DNAJC5B: variants seen among roughly 807,000 people sequenced by gnomAD.
DNAJC5B encodes the protein DnaJ heat shock protein family (Hsp40) member C5 beta.
Under a neutral mutation model 24.7 loss-of-function variants are expected in DNAJC5B, and 23 were observed. That is an observed-to-expected ratio of 0.93 (90% CI 0.67 to 1.32). The LOEUF (loss-of-function observed/expected upper bound fraction) is 1.32, where lower values mean the gene tolerates loss of function less well. Ranked by LOEUF, DNAJC5B falls within the 40% of genes most tolerant of loss-of-function variation. The pLI is 0.00. For synonymous variants in DNAJC5B, 101 were observed against 90.1 expected (o/e 1.12, Z -0.68); for missense variants, 238 against 240.8 (o/e 0.99, Z 0.08).
At chr8:66,035,639 A>C (rs1249837977) in intron 1 of DNAJC5B, among the ~76,000 whole-genome samples, 1 of 152,184 alleles carries the variant, frequency 6.6e-6, no homozygotes, top group Non-Finnish European at 1.5e-5. Flanking sequence ...AGAGCTCCAG[A>C]AACAACCAAC....
intron 1 of DNAJC5B, among the ~76,000 whole-genome samples, chr8:66,031,348 A>G (rs1376161689): frequency 1.3e-5 from 2 of 152,226 alleles, no homozygotes; most frequent in Admixed American, 6.5e-5. Context: ...CATTATTGGC[A>G]TTTCCTCCTA....
intron 3 of DNAJC5B, among the ~76,000 whole-genome samples, chr8:66,074,001 C>T (rs1035515148): frequency 6.6e-6 from 1 of 152,026 alleles, no homozygotes; most frequent in African/African-American, 2.4e-5. Flanking sequence ...AACAAGAAAG[C>T]CCCAGAATGG....
At chr8:66,033,132 A>G (rs1806395927) in intron 1 of DNAJC5B, among the ~76,000 whole-genome samples, 1 of 152,144 alleles carries the variant, frequency 6.6e-6, no homozygotes, top group African/African-American at 2.4e-5. Context: ...ATCAGTTCTT[A>G]TGGGGTGGGA....
Position 66,100,106 on chromosome 8 carries a change from TG to T in DNAJC5B, c.*79del. On this transcript the variant is annotated 3_prime_UTR_variant, in exon 6 of 6. Transcript: ENST00000276570. ...CTCCAGATGGTCGTAGGGGAGCGTG[TG>T]GGGCATAAAGTGCTGTGAACTTTTC... 1 of 1,314,710 alleles carries T rather than the reference TG, an allele frequency of 7.6e-7. No homozygotes were observed. The highest frequency in any genetic ancestry group is 1.1e-6 in the Non-Finnish European group (1 of 946,042). The allele number at this position is 1,314,710 out of a possible 1,614,324, so 81.4% of individuals were successfully genotyped here.
At chr8:66,085,327 C>T (rs1459028138) in intron 5 of DNAJC5B, among the ~76,000 whole-genome samples, 4 of 152,042 alleles carry the variant, frequency 2.6e-5, no homozygotes, top group African/African-American at 7.2e-5. Flanking sequence ...GTAATCCCAG[C>T]GACTCAGGAG....
chr8:66,048,374 C>T (rs769628053), intron 2 of DNAJC5B, among the ~76,000 whole-genome samples: 5 of 152,202 alleles, frequency 3.3e-5, no homozygotes, highest in African/African-American at 4.8e-5. Flanking sequence ...CTACTTTCTT[C>T]GTAGGAAAAT....
chr8:66,030,912 C>T (rs1806346417), intron 1 of DNAJC5B, among the ~76,000 whole-genome samples: 2 of 152,242 alleles, frequency 1.3e-5, no homozygotes, highest in African/African-American at 4.8e-5. Context: ...GCTGAAATTA[C>T]AGGCATGAAT....
chr8:66,055,857 G>A (rs1349941358), intron 3 of DNAJC5B, among the ~76,000 whole-genome samples: 3 of 152,162 alleles, frequency 2.0e-5, no homozygotes, highest in Non-Finnish European at 2.9e-5. Flanking sequence ...CACGAGAATC[G>A]CTTGAACCTG....
At chr8:66,079,648 T>C (rs758977580) in intron 4 of DNAJC5B, among the ~76,000 whole-genome samples, 4 of 152,154 alleles carry the variant, frequency 2.6e-5, no homozygotes, top group Non-Finnish European at 5.9e-5. Context: ...CAGATCACCA[T>C]AATAAGGATC....
chr8:66,028,695 C>T (rs1205647646), intron 1 of DNAJC5B, among the ~76,000 whole-genome samples: 1 of 152,144 alleles, frequency 6.6e-6, no homozygotes, highest in East Asian at 1.9e-4. Flanking sequence ...CCACATCTTT[C>T]CCGAACCCAT....
intron 3 of DNAJC5B, 113 bp from the exon 4 acceptor site, chr8:66,076,547 T>C (rs985020160): frequency 4.4e-6 from 5 of 1,129,642 alleles, no homozygotes; most frequent in African/African-American, 1.6e-5. Flanking sequence ...AACTCACCAT[T>C]TCACAGTATT....
chr8:66,080,204 G>A (rs1205462603), intron 4 of DNAJC5B, among the ~76,000 whole-genome samples, 173 bp from the exon 5 acceptor site: 1 of 152,148 alleles, frequency 6.6e-6, no homozygotes, highest in Non-Finnish European at 1.5e-5. Context: ...TGGTTTCTAA[G>A]GAAGTGAAAT....
chr8:66,016,859 C>T (rs2128953453), upstream of DNAJC5B, among the ~76,000 whole-genome samples: 1 of 152,302 alleles, frequency 6.6e-6, no homozygotes, highest in South Asian at 2.1e-4. Flanking sequence ...GAAAGTTAGA[C>T]CAATATTAGC....
upstream of DNAJC5B, among the ~76,000 whole-genome samples, chr8:66,020,711 C>T (rs1806096095): frequency 6.6e-6 from 1 of 151,640 alleles, no homozygotes; most frequent in Non-Finnish European, 1.5e-5. Context: ...AATCTCAACT[C>T]ATTGCAGCTT....
intron 3 of DNAJC5B, among the ~76,000 whole-genome samples, chr8:66,070,032 A>G (rs929499895): frequency 1.3e-5 from 2 of 152,240 alleles, no homozygotes; most frequent in East Asian, 1.9e-4. Flanking sequence ...AAAACTCTCA[A>G]TAAACTAGGT....
intron 2 of DNAJC5B, among the ~76,000 whole-genome samples, chr8:66,049,037 T>C (rs1384763437): frequency 6.6e-6 from 1 of 152,240 alleles, no homozygotes; most frequent in Non-Finnish European, 1.5e-5. Flanking sequence ...TTTTGGCTTA[T>C]ACATTTGGAT....
At chr8:66,081,167 A>G (rs1243618776) in intron 5 of DNAJC5B, among the ~76,000 whole-genome samples, 2 of 152,144 alleles carry the variant, frequency 1.3e-5, no homozygotes, top group Admixed American at 1.3e-4. Flanking sequence ...GTAGTACTTG[A>G]TTCTTCAAGT....
At chr8:66,031,539 A>G (rs1054551854) in intron 1 of DNAJC5B, among the ~76,000 whole-genome samples, 5 of 152,226 alleles carry the variant, frequency 3.3e-5, no homozygotes, top group African/African-American at 1.2e-4. Flanking sequence ...TGTGTAATGT[A>G]TGCATTTTGT....
chr8:66,042,751 C>T (rs1033008872), intron 1 of DNAJC5B, among the ~76,000 whole-genome samples: 1 of 136,834 alleles, frequency 7.3e-6, no homozygotes. Context: ...CTTCTTCTTC[C>T]TCTTCTGTGA....
Sources: gnomAD v4.1 joint callset for allele counts (sites outside exome capture counted in the v4.1 genomes callset) on GRCh38, gnomAD v4.1.1 for gene constraint, MANE v1.5 for transcripts, NCBI Gene and HGNC (gene_info 2026-07-23, HGNC 2026-07-21) for gene names.